GRID1: variants seen among roughly 807,000 people sequenced by gnomAD.
The protein encoded by GRID1 is glutamate ionotropic receptor delta type subunit 1.
Under a neutral mutation model 98.0 loss-of-function variants are expected in GRID1, and 28 were observed. The ratio of observed to expected loss-of-function variants is 0.29; its 90% CI spans 0.21 to 0.39. The LOEUF (loss-of-function observed/expected upper bound fraction) is 0.39, where lower values mean the gene tolerates loss of function less well. GRID1 is among the 10% of genes least tolerant of loss of function. The pLI, the probability that GRID1 is intolerant of heterozygous loss-of-function variation, is 1.00. For missense variants in GRID1, 1,111 were observed against 1,340.5 expected (o/e 0.83, Z 2.67); for synonymous variants, 553 against 538.5 (o/e 1.03, Z -0.37).
intron 4 of GRID1, among the ~76,000 whole-genome samples, chr10:85,990,712 T>G (rs1353656375): frequency 6.6e-6 from 1 of 152,106 alleles, no homozygotes; most frequent in Non-Finnish European, 1.5e-5. Flanking sequence ...AGGTGGGCAG[T>G]AGAATGCATG....
chr10:86,306,844 G>A (rs1474070016), intron 2 of GRID1, among the ~76,000 whole-genome samples: 1 of 152,240 alleles, frequency 6.6e-6, no homozygotes, highest in Non-Finnish European at 1.5e-5. Flanking sequence ...GGATAACTGT[G>A]TCTTCCTGGC....
intron 8 of GRID1, among the ~76,000 whole-genome samples, chr10:85,806,890 T>C (rs1365720527): frequency 6.6e-6 from 1 of 152,194 alleles, no homozygotes; most frequent in African/African-American, 2.4e-5. Context: ...TCATTACTAA[T>C]CTAATCATGC....
chr10:86,331,013 C>A (rs1848132971), intron 2 of GRID1, among the ~76,000 whole-genome samples: 1 of 152,164 alleles, frequency 6.6e-6, no homozygotes, highest in Admixed American at 6.5e-5. Flanking sequence ...CCCCAGGCCT[C>A]CCCAGGAACA....
chr10:86,144,639 C>A (rs569342090), intron 3 of GRID1, among the ~76,000 whole-genome samples: 1 of 152,280 alleles, frequency 6.6e-6, no homozygotes, highest in East Asian at 1.9e-4. Context: ...CCACGGTTCT[C>A]CAGCATCCAG....
intron 2 of GRID1, among the ~76,000 whole-genome samples, chr10:86,314,127 C>G (rs1847868228): frequency 6.6e-6 from 1 of 152,248 alleles, no homozygotes; most frequent in African/African-American, 2.4e-5. Context: ...TTCCTCTCTT[C>G]TTCCTCCTGA....
At chr10:85,959,503 A>G (rs914747068) in intron 4 of GRID1, among the ~76,000 whole-genome samples, 1 of 152,160 alleles carries the variant, frequency 6.6e-6, no homozygotes, top group Non-Finnish European at 1.5e-5. Flanking sequence ...CATCCAGGAG[A>G]GTTCCCTGTG....
Position 86,358,513 on chromosome 10 carries a change from C to T in GRID1, c.235+5428G>A, listed in dbSNP as rs547441581. Among the ~76,000 whole-genome samples, 15 of 152,200 alleles carry T rather than the reference C, an allele frequency of 9.9e-5. No homozygotes were observed. The South Asian group carries it at 2.9e-3, about 30-fold the overall frequency. Reference sequence around the variant, plus strand: ...GTGGCTCACATCTGTAATCCCAGCACTTTGGGAGGCAAAGGCAGGCGGATC... The same window carrying T: ...GTGGCTCACATCTGTAATCCCAGCATTTTGGGAGGCAAAGGCAGGCGGATC... On this transcript the variant is annotated intron_variant, in intron 2 of 15. Coordinates refer to ENST00000327946, the MANE Select transcript of GRID1 (RefSeq NM_017551.3).
intron 2 of GRID1, among the ~76,000 whole-genome samples, chr10:86,307,699 A>G (rs2132085991): frequency 6.6e-6 from 1 of 152,350 alleles, no homozygotes; most frequent in African/African-American, 2.4e-5. Flanking sequence ...TCACCACAAA[A>G]AAGAAAAATG....
intron 8 of GRID1, among the ~76,000 whole-genome samples, chr10:85,828,090 T>G (rs1842835648): frequency 6.6e-6 from 1 of 151,986 alleles, no homozygotes; most frequent in Admixed American, 6.6e-5. Flanking sequence ...AACACAACAT[T>G]CAACCACAGT....
At chr10:85,772,432 C>T (rs891555383) in intron 8 of GRID1, among the ~76,000 whole-genome samples, 5 of 150,614 alleles carry the variant, frequency 3.3e-5, no homozygotes, top group Non-Finnish European at 5.9e-5. Flanking sequence ...CAAGAGCAAA[C>T]ACATTCAAAA....
intron 4 of GRID1, among the ~76,000 whole-genome samples, chr10:85,921,124 G>A (rs1168633856): frequency 6.6e-6 from 1 of 152,220 alleles, no homozygotes; most frequent in Admixed American, 6.5e-5. Context: ...TTTGAATGGA[G>A]GAGACAGCAG....
intron 4 of GRID1, among the ~76,000 whole-genome samples, chr10:85,934,709 G>C (rs973927079): frequency 6.6e-6 from 1 of 152,132 alleles, no homozygotes; most frequent in East Asian, 1.9e-4. Context: ...AATGAAGTTA[G>C]TATGAAAAGG....
chr10:86,315,535 G>A (rs1165226319), intron 2 of GRID1, among the ~76,000 whole-genome samples: 1 of 152,070 alleles, frequency 6.6e-6, no homozygotes, highest in Non-Finnish European at 1.5e-5. Context: ...TGGCATATCT[G>A]GCCACAGTTT....
intron 3 of GRID1, among the ~76,000 whole-genome samples, chr10:86,194,898 G>C (rs1196177866): frequency 6.6e-6 from 1 of 152,010 alleles, no homozygotes; most frequent in Non-Finnish European, 1.5e-5. Context: ...CCCACTTACA[G>C]CAGTTCCTGT....
At chr10:86,044,181 G>A (rs748829814) in intron 4 of GRID1, among the ~76,000 whole-genome samples, 1 of 152,192 alleles carries the variant, frequency 6.6e-6, no homozygotes, top group Non-Finnish European at 1.5e-5. Flanking sequence ...CTAGCAAGTG[G>A]CAAGCACATA....
chr10:86,314,881 G>C (rs555906692), intron 2 of GRID1, among the ~76,000 whole-genome samples: 31 of 152,252 alleles, frequency 2.0e-4, no homozygotes, highest in African/African-American at 7.5e-4. Context: ...GAGCCCCCAG[G>C]ATCCATCACA....
At chr10:85,990,198 A>G (rs747523085) in intron 4 of GRID1, among the ~76,000 whole-genome samples, 1 of 152,234 alleles carries the variant, frequency 6.6e-6, no homozygotes, top group African/African-American at 2.4e-5. Flanking sequence ...CTTAGAAGGA[A>G]CCCAGGCAAG....
chr10:86,133,324 A>ATG (rs148858362), intron 4 of GRID1, among the ~76,000 whole-genome samples: 3,942 of 151,778 alleles, frequency 0.026, 181 homozygotes, highest in African/African-American at 0.089. Context: ...CCATGTGTGC[A>ATG]TGTGTGTGTG....
chr10:86,050,926 GCA>G (rs1843493587), intron 4 of GRID1, among the ~76,000 whole-genome samples: 1 of 150,788 alleles, frequency 6.6e-6, no homozygotes, highest in South Asian at 2.1e-4. Context: ...AGCTGGAGGT[GCA>G]CAGAGACCTA....
Sources: allele counts gnomAD v4.1 joint callset (sites outside exome capture counted in the v4.1 genomes callset), GRCh38; gene constraint gnomAD v4.1.1; transcripts MANE v1.5; gene names NCBI Gene and HGNC (gene_info 2026-07-23, HGNC 2026-07-21).